MYH7: variants seen among roughly 807,000 people sequenced by gnomAD.
The protein encoded by MYH7 is myosin heavy chain 7, also known as myosin-7.
MYH7 carries 129 observed loss-of-function variants against 225.4 expected under a neutral mutation model. The observed-to-expected ratio is 0.57, with a 90% CI of 0.50 to 0.66. The LOEUF (loss-of-function observed/expected upper bound fraction) is 0.66. Among genes scored for constraint, MYH7 ranks in the 30% least tolerant of loss-of-function variants. MYH7 has a pLI of 0.00. For synonymous variants in MYH7, 971 were observed against 1,007.6 expected (o/e 0.96, Z 0.69); for missense variants, 1,649 against 2,517.0 (o/e 0.66, Z 7.38).
chr14:23,417,097 C>T, intron 32 of MYH7, 56 bp downstream of exon 32: 2 of 1,614,106 alleles, frequency 1.2e-6, no homozygotes, highest in Non-Finnish European at 1.7e-6. Flanking sequence ...TGGGTGGCAC[C>T]ATATGGGAAC....
intron 11 of MYH7, among the ~76,000 whole-genome samples, chr14:23,430,283 G>A (rs113632167): frequency 3.3e-5 from 5 of 152,044 alleles, no homozygotes; most frequent in Non-Finnish European, 5.9e-5. Flanking sequence ...TTCCCTCCTC[G>A]TCCTGCTCCC....
chr14:23,417,055 C>A (rs3729825), intron 32 of MYH7, 63 bp from the exon 33 acceptor site: 4 of 1,614,010 alleles, frequency 2.5e-6, no homozygotes, highest in East Asian at 4.5e-5. Context: ...TGGAGGGACA[C>A]GCCTCTTTGC....
In MYH7 at chr14:23,432,709, GC is replaced by G; in HGVS notation, c.431del (p.Gly144AlafsTer23). On this transcript the variant is annotated frameshift_variant, in exon 5 of 40. Transcript: ENST00000355349. LOFTEE classifies it high-confidence loss of function. ...YTPEVVAAYR[G>X]KKRSEAPPHI... ...GGGGCGGGGCCTCGCTCCTCTTCTT[GC>G]CCCGGTAGGCAGCCACCACCTCAGG... The G allele has an allele frequency of 6.2e-7, 1 of 1,614,146 alleles. No individual in the cohort carries two copies. The highest frequency in any genetic ancestry group is 8.5e-7 in the Non-Finnish European group (1 of 1,180,032).
chr14:23,417,497 G>A lies in MYH7; in HGVS notation c.4353+6C>T, dbSNP rs765398896. The stretch of plus-strand genomic sequence containing the variant: ...ATGCTGGCTGCGGCCCCCACCCAGG[G>A]CCCACCTTGTCGAAGTTCCTCTGCT... On this transcript the variant is annotated splice_donor_region_variant and intron_variant, in intron 31 of 39. Coordinates refer to ENST00000355349, the MANE Select transcript of MYH7 (RefSeq NM_000257.4). The A allele has an allele frequency of 1.9e-6, 3 of 1,612,164 alleles. No individual in the cohort carries two copies. The highest frequency in any genetic ancestry group is 2.5e-6 in the Non-Finnish European group (3 of 1,180,034).
Position 23,413,912 on chromosome 14 carries a change from T to C in MYH7, c.5656-19A>G. 1.9e-6 allele frequency: 3 copies of C among 1,613,826 alleles called. No homozygotes were observed. In the Middle Eastern group the frequency reaches 5.0e-4, roughly 266 times the overall value. ...GCTCCTCCTGCGGGAGGTGGGAGCA[T>C]GAGGTGAGAGGGGGCCTGGGTTCTC... On this transcript the variant is annotated intron_variant, in intron 38 of 39. Transcript: ENST00000355349.
rs372134410 is a variant in MYH7, at chr14:23,433,885, G to T, written c.-8-145C>A. 1.2e-6 allele frequency: 1 copy of T among 824,616 alleles called. No homozygotes were observed. The highest frequency in any genetic ancestry group is 1.9e-6 in the Non-Finnish European group (1 of 515,366). 51.1% of individuals were successfully genotyped at this position (824,616 alleles called of 1,614,324 possible). Reference sequence around the variant, plus strand: ...ACCAGTGAGTCCCTTCCTCTTTGAGGTTACCCCTTAACCAGAGGAGCAGCC... The same window carrying T: ...ACCAGTGAGTCCCTTCCTCTTTGAGTTTACCCCTTAACCAGAGGAGCAGCC... On this transcript the variant is annotated intron_variant, in intron 2 of 39. Coordinates refer to ENST00000355349, the MANE Select transcript of MYH7 (RefSeq NM_000257.4). This position sits in a 1 kb window ranked among gnomAD's most constrained non-coding sequence, Gnocchi z 4.1.
chr14:23,432,344 C>T (rs191550360), intron 6 of MYH7, 135 bp downstream of exon 6: 226 of 1,083,166 alleles, frequency 2.1e-4, no homozygotes, highest in Non-Finnish European at 2.6e-4. Flanking sequence ...GGGTAATGGT[C>T]AGAGAAGAAG....
At chr14:23,423,446 C>CACACACACACACAT in intron 24 of MYH7, 101 bp downstream of exon 24, 1 of 951,694 alleles carries the variant, frequency 1.1e-6, no homozygotes, top group Non-Finnish European at 1.6e-6. Flanking sequence ...AACACACACA[C>CACACACACACACAT]ACACACACAC....
In MYH7 at chr14:23,414,105, G is replaced by T; in HGVS notation, c.5560-3C>A. 6.2e-7 allele frequency: 1 copy of T among 1,611,146 alleles called. No individual in the cohort carries two copies. On this transcript the variant is annotated splice_polypyrimidine_tract_variant and splice_region_variant and intron_variant, in intron 37 of 39. Transcript: ENST00000355349. ...AGGTTTTTCCTGTCCTCCTCCGTCT[G>T]GGGGCCAGAGGGTAGGCAGGGGGTG... is the stretch of plus-strand genomic sequence containing the variant.
At chr14:23,420,517 A>C (rs1892433293) in intron 26 of MYH7, among the ~76,000 whole-genome samples, 1 of 152,210 alleles carries the variant, frequency 6.6e-6, no homozygotes, top group Admixed American at 6.5e-5. Context: ...GTTTAGTCAT[A>C]AAAAAATAAC....
Position 23,417,706 on chromosome 14 carries a change from A to C in MYH7, c.4170-20T>G, listed in dbSNP as rs1171643071. On this transcript the variant is annotated intron_variant, in intron 30 of 39. Coordinates refer to ENST00000355349, the MANE Select transcript of MYH7 (RefSeq NM_000257.4). Reference sequence around the variant, plus strand: ...TTCTTCCTGCCCAGGGGAGGGTGGCAGAGGGTGGGGAGGATGGAGGGTGTG... The same window carrying C: ...TTCTTCCTGCCCAGGGGAGGGTGGCCGAGGGTGGGGAGGATGGAGGGTGTG... The C allele has an allele frequency of 6.2e-7, 1 of 1,611,770 alleles. No homozygotes were observed. Among genetic ancestry groups the C allele is most frequent in the East Asian group, 2.2e-5 (1 of 44,888 alleles).
Position 23,425,608 on chromosome 14 carries a change from TG to T in MYH7, c.2286+86del, listed in dbSNP as rs888961337. On this transcript the variant is annotated intron_variant, in intron 20 of 39. Coordinates refer to ENST00000355349, the MANE Select transcript of MYH7 (RefSeq NM_000257.4). This position sits in a 1 kb window ranked among gnomAD's most constrained non-coding sequence, Gnocchi z 4.6. ...GGGGTAGCATACAGGTAAGAGATTTTGCTAAGATGATTACAACAGGAAAAGC... is the reference window on the plus strand; with the variant it reads ...GGGGTAGCATACAGGTAAGAGATTTTCTAAGATGATTACAACAGGAAAAGC... 3.1e-6 allele frequency: 5 copies of T among 1,607,070 alleles called. No individual in the cohort carries two copies. The African/African-American group carries it at 6.7e-5, about 21-fold the overall frequency.
In MYH7 at chr14:23,433,876, C is replaced by T. The variant is rs1030128107; in HGVS notation, c.-8-136G>A. On this transcript the variant is annotated intron_variant, in intron 2 of 39. Coordinates refer to ENST00000355349, the MANE Select transcript of MYH7 (RefSeq NM_000257.4). This position sits in a 1 kb window ranked among gnomAD's most constrained non-coding sequence, Gnocchi z 4.1. ...AGAGGAGTTACCAGTGAGTCCCTTCCTCTTTGAGGTTACCCCTTAACCAGA... is the reference window on the plus strand; with the variant it reads ...AGAGGAGTTACCAGTGAGTCCCTTCTTCTTTGAGGTTACCCCTTAACCAGA... 1.2e-6 allele frequency: 1 copy of T among 862,002 alleles called. No homozygotes were observed. The highest frequency in any genetic ancestry group is 1.5e-5 in the South Asian group (1 of 65,720). The allele number at this position is 862,002 out of a possible 1,614,324, so 53.4% of individuals were successfully genotyped here.
chr14:23,423,160 A>C (rs1892547970), intron 24 of MYH7, among the ~76,000 whole-genome samples: 1 of 152,212 alleles, frequency 6.6e-6, no homozygotes, highest in Non-Finnish European at 1.5e-5. Flanking sequence ...TTGGAATTTC[A>C]AAAATTCTAC....
At chr14:23,422,582 TCTTTCTTTCTTTCTCTC>T (rs1321048444) in intron 24 of MYH7, among the ~76,000 whole-genome samples, 50 of 145,288 alleles carry the variant, frequency 3.4e-4, no homozygotes, top group African/African-American at 1.1e-3. Flanking sequence ...TCCCTTTCTT[TCTTTCTTTCTTTCTCTC>T]CTTTCTTTCT....
Position 23,415,289 on chromosome 14 carries a change from T to A in MYH7, c.5284-19A>T. 1 of 1,614,186 alleles carries A rather than the reference T, an allele frequency of 6.2e-7. No homozygotes were observed. Among genetic ancestry groups the A allele is most frequent in the Non-Finnish European group, 8.5e-7 (1 of 1,180,048 alleles). ...TGGCGGCCTGTGTGCAGGAGAGAGGTGGCACATGGTCTGGTCAAGTCCTCA... is the reference window on the plus strand; with the variant it reads ...TGGCGGCCTGTGTGCAGGAGAGAGGAGGCACATGGTCTGGTCAAGTCCTCA... On this transcript the variant is annotated intron_variant, in intron 36 of 39. Coordinates refer to ENST00000355349, the MANE Select transcript of MYH7 (RefSeq NM_000257.4). The surrounding 1 kb of genome is among the most constrained non-coding windows in gnomAD (Gnocchi z 6.3).
In MYH7 at chr14:23,432,710, C is replaced by T. The variant is rs730880834; in HGVS notation, c.431G>A (p.Gly144Asp). Reference protein sequence around the residue: ...YTPEVVAAYRGKKRSEAPPHI... With the variant: ...YTPEVVAAYRDKKRSEAPPHI... Reference sequence around the variant, plus strand: ...GGGCGGGGCCTCGCTCCTCTTCTTGCCCCGGTAGGCAGCCACCACCTCAGG... The same window carrying T: ...GGGCGGGGCCTCGCTCCTCTTCTTGTCCCGGTAGGCAGCCACCACCTCAGG... The change falls in exon 5 of 40, where the codon GGC becomes GAC. Residue 144 changes from glycine (G) to aspartate (D), a missense_variant. Physicochemically the swap from Gly to Asp is moderately conservative, Grantham distance 94. Transcript: ENST00000355349. 2 of 1,614,138 alleles carry T rather than the reference C, an allele frequency of 1.2e-6. No individual in the cohort carries two copies. The highest frequency in any genetic ancestry group is 2.2e-5 in the East Asian group (1 of 44,880).
chr14:23,431,963 A>G lies in MYH7; in HGVS notation c.531-94T>C, dbSNP rs1057092702. ...AGAATGCCTGGGCCTACCCGAGAGT[A>G]GGAGCCCTGGGCAAGAAGCTGCCAG... is the stretch of plus-strand genomic sequence containing the variant. On this transcript the variant is annotated intron_variant, in intron 6 of 39. Transcript: ENST00000355349. The G allele has an allele frequency of 3.8e-6, 5 of 1,329,712 alleles. No homozygotes were observed. The African/African-American group carries it at 5.8e-5, about 15-fold the overall frequency. 82.4% of individuals were successfully genotyped at this position (1,329,712 alleles called of 1,614,324 possible).
rs3729818 is a variant in MYH7 at position 23,425,874 on chromosome 14, T to C, written c.2163-56A>G. The C allele has an allele frequency of 0.17, 274,360 of 1,610,288 alleles. 29,051 individuals are homozygous for C. Among genetic ancestry groups the C allele is most frequent in the African/African-American group, 0.52 (39,058 of 74,776 alleles). On this transcript the variant is annotated intron_variant, in intron 19 of 39. Transcript: ENST00000355349. The surrounding 1 kb of genome is among the most constrained non-coding windows in gnomAD (Gnocchi z 4.6). Reference sequence around the variant, plus strand: ...GCTCTGCAGTGATCTGCTCTGCCCATAGAATTCCAGGGTCACCTGCAGATC... The same window carrying C: ...GCTCTGCAGTGATCTGCTCTGCCCACAGAATTCCAGGGTCACCTGCAGATC...
Sources: gnomAD v4.1 joint callset for allele counts (sites outside exome capture counted in the v4.1 genomes callset) on GRCh38, gnomAD v4.1.1 for gene constraint, Gnocchi (gnomAD v3.1) non-coding constraint, MANE v1.5 for transcripts, NCBI Gene and HGNC (gene_info 2026-07-23, HGNC 2026-07-21) for gene names.